POLD1: variants seen among roughly 807,000 people sequenced by gnomAD.
The protein encoded by POLD1 is DNA polymerase delta 1, catalytic subunit.
Under a neutral mutation model 129.7 loss-of-function variants are expected in POLD1, and 79 were observed. The ratio of observed to expected loss-of-function variants is 0.61; its 90% confidence interval spans 0.51 to 0.73. The LOEUF (loss-of-function observed/expected upper bound fraction) is 0.73, where lower values mean the gene tolerates loss of function less well. POLD1 is among the 30% of genes least tolerant of loss of function. The pLI is 0.00. For synonymous variants in POLD1, 714 were observed against 683.3 expected, an observed-to-expected ratio of 1.04 and a Z score of -0.70; for missense variants, 1,338 against 1,595.8, an observed-to-expected ratio of 0.84 and a Z score of 2.75.
At chr19:50,394,549 G>A (rs2038277956) in intron 1 of POLD1, among the ~76,000 whole-genome samples, 1 of 152,110 alleles carries the variant, frequency 6.6e-6, no homozygotes, top group African/African-American at 2.4e-5. Flanking sequence ...CAGCTACTCG[G>A]GAGGCTGAGG....
chr19:50,413,542 G>A (rs927167101), intron 18 of POLD1, 21 bp downstream of exon 18: 1 of 1,590,494 alleles, frequency 6.3e-7, no homozygotes, highest in Non-Finnish European at 8.6e-7. Flanking sequence ...GCCCACCGCT[G>A]CCCTGAGATG....
At chr19:50,401,409 T>C (rs1162865814) in intron 3 of POLD1, among the ~76,000 whole-genome samples, 1 of 124,428 alleles carries the variant, frequency 8.0e-6, no homozygotes, top group Non-Finnish European at 1.7e-5. Flanking sequence ...TTTTTTTTTT[T>C]TTTTTTCTTT....
chr19:50,395,547 G>A (rs1048990415), intron 1 of POLD1, among the ~76,000 whole-genome samples: 3 of 150,600 alleles, frequency 2.0e-5, no homozygotes, highest in African/African-American at 7.4e-5. Context: ...TCGCGCCACC[G>A]CACTCCAGCC....
chr19:50,389,421 C>T (rs928861803), intron 1 of POLD1, among the ~76,000 whole-genome samples: 3 of 152,028 alleles, frequency 2.0e-5, no homozygotes, highest in African/African-American at 7.2e-5. Context: ...CGTACCTGGC[C>T]TCCAGCAGTC....
In POLD1 at chr19:50,399,438, G is replaced by C; in HGVS notation, c.270G>C (p.Gln90His). ...CCACACCACCAGCGCTGGACCCCCA[G>C]ACAGAGCCCCTCATCTTCCAACAGT... Reference protein sequence around the residue: ...LRPTPPALDPQTEPLIFQQLE... With the variant: ...LRPTPPALDPHTEPLIFQQLE... Residue 90 changes from glutamine to histidine, a missense_variant, in exon 3 of 27, where the codon CAG (glutamine) becomes CAC (histidine). Transcript: ENST00000440232. 1 of 1,614,142 alleles carries C rather than the reference G, an allele frequency of 6.2e-7. No homozygotes were observed. The highest frequency in any genetic ancestry group is 8.5e-7 in the Non-Finnish European group (1 of 1,179,990).
At chr19:50,386,263 G>A (rs2037968876) in intron 1 of POLD1, among the ~76,000 whole-genome samples, 2 of 151,868 alleles carry the variant, frequency 1.3e-5, no homozygotes, top group South Asian at 4.1e-4. Context: ...TCAGGCTTCC[G>A]AGTAGCTGGG....
intron 17 of POLD1, among the ~76,000 whole-genome samples, chr19:50,411,914 A>T (rs1369485337): frequency 6.6e-6 from 1 of 152,020 alleles, no homozygotes; most frequent in Non-Finnish European, 1.5e-5. Flanking sequence ...AGGAGGGAGG[A>T]TCACTTGAGG....
chr19:50,402,377 C>T lies in POLD1; in HGVS notation c.758+4C>T, dbSNP rs771346692. On this transcript the variant is annotated splice_donor_region_variant and intron_variant, in intron 6 of 26. Transcript: ENST00000440232. ...CCAACGTCGACTTTGAGATCCGGTACGGCCTCTGCCTCACTTCTCCGGCCT... is the reference window on the plus strand; with the variant it reads ...CCAACGTCGACTTTGAGATCCGGTATGGCCTCTGCCTCACTTCTCCGGCCT... 44 of 1,612,566 alleles carry T rather than the reference C, an allele frequency of 2.7e-5. No individual in the cohort carries two copies. The highest frequency in any genetic ancestry group is 3.4e-5 in the Non-Finnish European group (40 of 1,179,016).
chr19:50,405,890 G>C (rs1433419055), intron 10 of POLD1, among the ~76,000 whole-genome samples: 1 of 152,060 alleles, frequency 6.6e-6, no homozygotes, highest in Non-Finnish European at 1.5e-5. Context: ...ATCTCTTCCT[G>C]TTTCCTGCCT....
rs200931999 is a variant in POLD1 at position 50,413,456 on chromosome 19, G to C, written c.2185G>C (p.Glu729Gln). 2.5e-6 allele frequency: 4 copies of C among 1,613,218 alleles called. No individual in the cohort carries two copies. The African/African-American group carries it at 4.0e-5, about 16-fold the overall frequency. The part of the protein sequence containing the change: ...SVTGFGRQMI[E>Q]KTKQLVESKY... ...CACGGGGTTCGGACGTCAGATGATC[G>C]AGAAAACCAAGCAGCTGGTGGAGTC... The change falls in exon 18 of 27, where the codon GAG becomes CAG. Residue 729 changes from glutamate to glutamine, a missense_variant. Physicochemically the swap from Glu to Gln is conservative, Grantham distance 29. This residue lies in a region of POLD1 where 720 missense variants were observed against 1,002.6 expected (regional missense o/e 0.72). Transcript: ENST00000440232.
rs753863287 is a variant in POLD1 at position 50,399,052 on chromosome 19, C to G, written c.201C>G (p.Asp67Glu). Residue 67 changes from aspartate to glutamate, a missense_variant and splice_region_variant, in exon 2 of 27, where the codon GAC becomes GAG. By Grantham distance (45) the Asp-to-Glu change is conservative. Transcript: ENST00000440232. ...AGTCAGTCCTGGAGGGGGTTGCAGACGGTAAGGCTTGGAGTTGGAGGTTCC... is the reference window on the plus strand; with the variant it reads ...AGTCAGTCCTGGAGGGGGTTGCAGAGGGTAAGGCTTGGAGTTGGAGGTTCC... Reference protein sequence around the residue: ...ELQSVLEGVADGQVPPSAIDP... With the variant: ...ELQSVLEGVAEGQVPPSAIDP... 1 of 1,552,328 alleles carries G rather than the reference C, an allele frequency of 6.4e-7. No individual in the cohort carries two copies. The highest frequency in any genetic ancestry group is 2.0e-5 in the Admixed American group (1 of 51,092).
intron 22 of POLD1, 108 bp from the exon 23 acceptor site, chr19:50,416,288 C>G (rs2039286026): frequency 1.7e-6 from 2 of 1,201,938 alleles, no homozygotes; most frequent in East Asian, 5.1e-5. Flanking sequence ...CCCCATGTCA[C>G]AGCCCGCAGG....
At chr19:50,413,314 A>T in intron 17 of POLD1, 112 bp from the exon 18 acceptor site, 3 of 841,372 alleles carry the variant, frequency 3.6e-6, no homozygotes. Flanking sequence ...AGTGGCTTGT[A>T]CATAAGCCTA....
rs2122496897 is a variant in POLD1, at chr19:50,416,664, T to G, written c.3008T>G (p.Leu1003Arg). Residue 1003 changes from leucine (L) to arginine (R), a missense_variant, in exon 24 of 27, where the codon CTG (leucine) becomes CGG (arginine). Transcript: ENST00000440232. The stretch of plus-strand genomic sequence containing the variant: ...CTCACGGGCAAGGTGGGCGGCCTCC[T>G]GGCCTTCGCCAAACGCCGCAACTGC... ...TVLTGKVGGLLAFAKRRNCCI... is the reference protein window; with the variant it reads ...TVLTGKVGGLRAFAKRRNCCI... The G allele has an allele frequency of 1.3e-6, 2 of 1,561,686 alleles. No homozygotes were observed. The highest frequency in any genetic ancestry group is 1.7e-6 in the Non-Finnish European group (2 of 1,158,208).
intron 9 of POLD1, 125 bp from the exon 10 acceptor site, chr19:50,403,368 T>G: frequency 9.0e-7 from 1 of 1,112,294 alleles, no homozygotes. Flanking sequence ...GCAATTAGGC[T>G]TGAGCACTTC....
At chr19:50,402,776 T>C (rs768638691) in intron 8 of POLD1, 35 bp downstream of exon 8, 1 of 1,559,830 alleles carries the variant, frequency 6.4e-7, no homozygotes, top group Non-Finnish European at 8.7e-7. Flanking sequence ...GCCCGCCTCA[T>C]TGATGTGCCA....
intron 24 of POLD1, 46 bp downstream of exon 24, chr19:50,416,769 C>T (rs1233521520): frequency 7.2e-7 from 1 of 1,381,110 alleles, no homozygotes; most frequent in Non-Finnish European, 9.9e-7. Flanking sequence ...TCAACCTGCT[C>T]TGCCGTCACC....
rs1162573243 is a variant in POLD1 at position 50,402,317 on chromosome 19, A to G, written c.702A>G (p.Ala234=). 1 of 1,610,706 alleles carries G rather than the reference A, an allele frequency of 6.2e-7. No homozygotes were observed. Among genetic ancestry groups the G allele is most frequent in the Non-Finnish European group, 8.5e-7 (1 of 1,177,864 alleles). Residue 234 remains alanine, a synonymous_variant, in exon 6 of 27, where the codon GCA becomes GCG. Transcript: ENST00000440232. ...RRLLEQGIRV[A]GLGTPSFAPY... is the part of the protein sequence containing the mutation. ...TCCTGGAACAGGGCATCCGTGTGGCAGGCCTGGGCACGCCCAGCTTCGCGC... is the reference window on the plus strand; with the variant it reads ...TCCTGGAACAGGGCATCCGTGTGGCGGGCCTGGGCACGCCCAGCTTCGCGC...
chr19:50,393,977 C>A (rs893562746), intron 1 of POLD1: 4 of 152,216 alleles, frequency 2.6e-5, no homozygotes, highest in African/African-American at 9.6e-5. Flanking sequence ...TATTTCAGGT[C>A]TAAGCTGTTG....
Sources: allele counts gnomAD v4.1 joint callset (sites outside exome capture counted in the v4.1 genomes callset), GRCh38; gene constraint gnomAD v4.1.1; regional missense constraint gnomAD v4.1.1; transcripts MANE v1.5; gene names NCBI Gene and HGNC (gene_info 2026-07-23, HGNC 2026-07-21).